FAM171A1: variants seen among roughly 807,000 people sequenced by gnomAD.
FAM171A1 encodes family with sequence similarity 171 member A1.
A neutral mutation model predicts 74.9 loss-of-function variants in FAM171A1; 23 were observed. The observed-to-expected ratio is 0.31, with a 90% confidence interval of 0.22 to 0.44. FAM171A1 has a LOEUF of 0.44. Ranked by LOEUF, FAM171A1 falls within the 20% of genes least tolerant of loss-of-function variation. FAM171A1 has a pLI of 1.00. For missense variants in FAM171A1, 1,162 were observed against 1,159.2 expected (o/e 1.00, Z -0.03); for synonymous variants, 527 against 505.7 (o/e 1.04, Z -0.57).
intron 1 of FAM171A1, among the ~76,000 whole-genome samples, chr10:15,287,168 C>T (rs1284914268): frequency 7.4e-5 from 11 of 148,368 alleles, no homozygotes; most frequent in Admixed American, 2.0e-4. Flanking sequence ...CTCGGCTCAC[C>T]GTAAGCTTCG....
At chr10:15,260,819 C>G (rs1053810411) in intron 3 of FAM171A1, among the ~76,000 whole-genome samples, 2 of 152,124 alleles carry the variant, frequency 1.3e-5, no homozygotes, top group Non-Finnish European at 2.9e-5. Context: ...TGACCTCTAC[C>G]CACTAGATGT....
intron 1 of FAM171A1, among the ~76,000 whole-genome samples, chr10:15,323,017 A>G (rs1835505535): frequency 6.6e-6 from 1 of 151,562 alleles, no homozygotes; most frequent in South Asian, 2.1e-4. Context: ...GTGCACGCCT[A>G]TAATCCCAGC....
intron 3 of FAM171A1, among the ~76,000 whole-genome samples, chr10:15,258,724 T>C (rs1834618443): frequency 1.3e-5 from 2 of 152,208 alleles, no homozygotes; most frequent in Non-Finnish European, 2.9e-5. Flanking sequence ...TTGACACTGT[T>C]TGCCCCTCCT....
chr10:15,213,489 T>C lies in FAM171A1; in HGVS notation c.2099A>G (p.Lys700Arg). Residue 700 changes from lysine (K) to arginine (R), a missense_variant, in exon 8 of 8, where the codon AAG becomes AGG. Transcript: ENST00000378116. The surrounding 1 kb of genome is among the most constrained non-coding windows in gnomAD (Gnocchi z 6.8). Reference sequence around the variant, plus strand: ...CCACGCCCGGGGGTGCGGAAGCGGCTTCCCACCCCCAAGCTCCATCAGGGC... The same window carrying C: ...CCACGCCCGGGGGTGCGGAAGCGGCCTCCCACCCCCAAGCTCCATCAGGGC... ...EKALMELGGG[K>R]PLPHPRAWFV... is the part of the protein sequence containing the mutation. 1 of 1,614,082 alleles carries C rather than the reference T, an allele frequency of 6.2e-7. No individual in the cohort carries two copies. The highest frequency in any genetic ancestry group is 8.5e-7 in the Non-Finnish European group (1 of 1,180,024).
intron 1 of FAM171A1, among the ~76,000 whole-genome samples, chr10:15,354,805 G>A (rs1366660174): frequency 6.6e-6 from 1 of 152,150 alleles, no homozygotes; most frequent in African/African-American, 2.4e-5. Context: ...TACAAGCAGA[G>A]GAAATAAGGA....
chr10:15,254,766 C>T lies in FAM171A1; in HGVS notation c.532G>A (p.Val178Met), dbSNP rs552490645. The T allele has an allele frequency of 2.5e-6, 4 of 1,614,192 alleles. No homozygotes were observed. Among genetic ancestry groups the T allele is most frequent in the African/African-American group, 2.7e-5 (2 of 75,052 alleles). The change falls in exon 4 of 8, where the codon GTG becomes ATG. Residue 178 changes from valine to methionine, a missense_variant. By Grantham distance (21) the Val-to-Met change is conservative. Transcript: ENST00000378116. ...FLTAASSPSE[V>M]DSFPYLRGLD... is the part of the protein sequence containing the mutation. ...CCTCGCAAATAAGGAAAACTGTCCA[C>T]CTCCGAAGGGGAGCTGGCGGCCGTG... is the stretch of plus-strand genomic sequence containing the variant.
At chr10:15,307,985 A>AT (rs1024409115) in intron 1 of FAM171A1, among the ~76,000 whole-genome samples, 2 of 151,738 alleles carry the variant, frequency 1.3e-5, no homozygotes, top group African/African-American at 2.4e-5. Context: ...TTATTTTTTA[A>AT]TTTTTTTGTA....
chr10:15,222,665 A>C (rs1237057521), intron 5 of FAM171A1, among the ~76,000 whole-genome samples: 2 of 152,230 alleles, frequency 1.3e-5, no homozygotes, highest in Non-Finnish European at 2.9e-5. Flanking sequence ...CCCTGAAGAA[A>C]GAAACAACAC....
In FAM171A1 at chr10:15,254,744, C is replaced by T. The variant is rs532778999; in HGVS notation, c.554G>A (p.Arg185Gln). Residue 185 changes from arginine to glutamine, a missense_variant, in exon 4 of 8, where the codon CGA (arginine) becomes CAA (glutamine). Arg to Gln is a conservative substitution (Grantham distance 43, BLOSUM62 1). Transcript: ENST00000378116. ...ACCTGTTCCATTTCCGTCTAATCCT[C>T]GCAAATAAGGAAAACTGTCCACCTC... is the stretch of plus-strand genomic sequence containing the variant. Reference protein sequence around the residue: ...PSEVDSFPYLRGLDGNGTGNS... With the variant: ...PSEVDSFPYLQGLDGNGTGNS... The T allele has an allele frequency of 3.0e-5, 48 of 1,614,162 alleles. No homozygotes were observed. Among genetic ancestry groups the T allele is most frequent in the South Asian group, 2.3e-4 (21 of 91,074 alleles).
chr10:15,357,778 G>A (rs1163111009), intron 1 of FAM171A1, among the ~76,000 whole-genome samples: 1 of 152,164 alleles, frequency 6.6e-6, no homozygotes, highest in African/African-American at 2.4e-5. Context: ...AAGTAATAAG[G>A]CAAGCATAAT....
At chr10:15,249,420 T>C (rs953989557) in intron 4 of FAM171A1, among the ~76,000 whole-genome samples, 3 of 152,230 alleles carry the variant, frequency 2.0e-5, no homozygotes, top group South Asian at 2.1e-4. Flanking sequence ...TTTTTCATTA[T>C]TGTGTTTTGC....
intron 3 of FAM171A1, among the ~76,000 whole-genome samples, chr10:15,264,658 C>T (rs1834714796): frequency 6.6e-6 from 1 of 151,610 alleles, no homozygotes; most frequent in Non-Finnish European, 1.5e-5. Context: ...GTGGTGTATA[C>T]TGTAGTCCCA....
At chr10:15,316,163 G>A (rs571709744) in intron 1 of FAM171A1, among the ~76,000 whole-genome samples, 73 of 152,256 alleles carry the variant, frequency 4.8e-4, no homozygotes, top group African/African-American at 1.7e-3. Flanking sequence ...GAACTCACAG[G>A]TTGTTTCTAG....
intron 3 of FAM171A1, among the ~76,000 whole-genome samples, chr10:15,258,958 A>T (rs1834621711): frequency 6.6e-6 from 1 of 152,124 alleles, no homozygotes; most frequent in Non-Finnish European, 1.5e-5. Flanking sequence ...CCACTCCAGC[A>T]TTGGATTCTT....
intron 1 of FAM171A1, among the ~76,000 whole-genome samples, chr10:15,297,807 T>C (rs143970109): frequency 2.0e-5 from 3 of 152,338 alleles, no homozygotes; most frequent in Non-Finnish European, 4.4e-5. Flanking sequence ...ACAGCAGAAG[T>C]TCATTCTCTA....
intron 1 of FAM171A1, among the ~76,000 whole-genome samples, chr10:15,309,967 G>A (rs1439713611): frequency 3.9e-5 from 6 of 152,194 alleles, no homozygotes; most frequent in Admixed American, 3.9e-4. Context: ...TCTAACGTTT[G>A]TAGTCTCTGG....
chr10:15,367,952 T>C (rs1836086647), intron 1 of FAM171A1, among the ~76,000 whole-genome samples: 1 of 152,230 alleles, frequency 6.6e-6, no homozygotes, highest in African/African-American at 2.4e-5. Context: ...CACAGCTTAC[T>C]GCTCCTCCAG....
Position 15,371,258 on chromosome 10 carries a change from G to GGCGGCGGCT in FAM171A1, c.-215_-207dup, listed in dbSNP as rs1429843751. ...CCCGAAGAGCCGCGGCGGCGGCGGC[G>GGCGGCGGCT]GCGGCGGCTGCTGCTGCTCCGCCAG... On this transcript the variant is annotated 5_prime_UTR_variant, in exon 1 of 8. Transcript: ENST00000378116. 2.1e-5 allele frequency among the ~76,000 whole-genome samples: 3 copies of GGCGGCGGCT among 144,066 alleles called. No homozygotes were observed. The highest frequency in any genetic ancestry group is 7.5e-5 in the African/African-American group (3 of 40,204). The allele number at this position is 144,066 out of a possible 152,430, so 94.5% of individuals were successfully genotyped here.
intron 3 of FAM171A1, among the ~76,000 whole-genome samples, chr10:15,268,807 C>T (rs541602094): frequency 7.2e-5 from 11 of 152,210 alleles, no homozygotes; most frequent in African/African-American, 1.7e-4. Flanking sequence ...TTTGGGAGGC[C>T]GAGGTGGATG....
Sources: gnomAD v4.1 joint callset for allele counts (sites outside exome capture counted in the v4.1 genomes callset) on GRCh38, gnomAD v4.1.1 for gene constraint, Gnocchi (gnomAD v3.1) non-coding constraint, MANE v1.5 for transcripts, NCBI Gene and HGNC (gene_info 2026-07-23, HGNC 2026-07-21) for gene names.